The following ACSBG2 variants were observed in gnomAD, a reference collection of about 807,000 sequenced individuals.
ACSBG2 encodes acyl-CoA synthetase bubblegum family member 2.
A neutral mutation model predicts 74.7 loss-of-function variants in ACSBG2; 62 were observed. The ratio of observed to expected loss-of-function variants is 0.83; its 90% confidence interval spans 0.68 to 1.03. The LOEUF is 1.03. Ranked by LOEUF, ACSBG2 falls within the 50% of genes least tolerant of loss-of-function variation. The probability of loss-of-function intolerance (pLI) is 0.00; values close to 1 mark genes in which losing one functional copy is unlikely to be tolerated. For missense variants in ACSBG2, 730 were observed against 817.6 expected (o/e 0.89, Z 1.31); for synonymous variants, 309 against 294.1 (o/e 1.05, Z -0.52).
At chr19:6,170,217 T>C (rs2089927377) in intron 7 of ACSBG2, among the ~76,000 whole-genome samples, 3 of 152,184 alleles carry the variant, frequency 2.0e-5, no homozygotes, top group South Asian at 4.1e-4. Context: ...TTGCTGCAGG[T>C]TTGTCATAGA....
At chr19:6,184,861 A>AAC in intron 10 of ACSBG2, among the ~76,000 whole-genome samples, 1 of 139,748 alleles carries the variant, frequency 7.2e-6, no homozygotes, top group Admixed American at 7.1e-5. Context: ...AAAAAAAAAA[A>AAC]AAAAAAAAAA....
At chr19:6,146,100 C>T (rs1464778925) in intron 2 of ACSBG2, among the ~76,000 whole-genome samples, 1 of 152,164 alleles carries the variant, frequency 6.6e-6, no homozygotes, top group Non-Finnish European at 1.5e-5. Context: ...ATATGTGACT[C>T]TTGTTAATGA....
chr19:6,187,401 G>A lies in ACSBG2; in HGVS notation c.1659G>A (p.Leu553=). 6.2e-7 allele frequency: 1 copy of A among 1,614,148 alleles called. No individual in the cohort carries two copies. Among genetic ancestry groups the A allele is most frequent in the Non-Finnish European group, 8.5e-7 (1 of 1,180,038 alleles). Residue 553 remains leucine, a synonymous_variant, in exon 12 of 15, where the codon CTG becomes CTA. Transcript: ENST00000588485. ...TAGTAGGAGATAAACTGAAGTTTCT[G>A]AGCATGTTGCTGACGCTGAAGGTAA... ...AMLVGDKLKF[L]SMLLTLKCEM...
rs146390457 is a variant in ACSBG2, at chr19:6,151,240, G to A, written c.298-467G>A. Among the ~76,000 whole-genome samples, 36 of 151,968 alleles carry A rather than the reference G, an allele frequency of 2.4e-4. No individual in the cohort carries two copies. The East Asian group carries it at 2.5e-3, about 11-fold the overall frequency. Reference sequence around the variant, plus strand: ...GTAGAGGGAGGTAAACAAACCTCCCGTAGTCATAAAAATTAAAAATATTAC... The same window carrying A: ...GTAGAGGGAGGTAAACAAACCTCCCATAGTCATAAAAATTAAAAATATTAC... On this transcript the variant is annotated intron_variant, in intron 3 of 14. Transcript: ENST00000588485.
intron 11 of ACSBG2, among the ~76,000 whole-genome samples, chr19:6,187,054 G>T (rs1365938461): frequency 2.0e-5 from 3 of 148,756 alleles, no homozygotes; most frequent in Non-Finnish European, 4.4e-5. Context: ...GCCCAGGTTG[G>T]AGTGCGGTGG....
intron 10 of ACSBG2, among the ~76,000 whole-genome samples, chr19:6,184,853 A>AACAAAACAAACAAAC (rs2090357046): frequency 7.5e-6 from 1 of 133,818 alleles, no homozygotes; most frequent in African/African-American, 3.4e-5. Context: ...AAAAAAAAAA[A>AACAAAACAAACAAAC]AAAAAAAAAA....
intron 8 of ACSBG2, among the ~76,000 whole-genome samples, chr19:6,178,047 T>C (rs544647517): frequency 6.6e-6 from 1 of 152,262 alleles, no homozygotes; most frequent in Non-Finnish European, 1.5e-5. Flanking sequence ...ATGCATATAT[T>C]TGTAGAATTT....
At chr19:6,142,725 C>G (rs2088891117) in intron 2 of ACSBG2, among the ~76,000 whole-genome samples, 1 of 142,756 alleles carries the variant, frequency 7.0e-6, no homozygotes, top group Admixed American at 7.4e-5. Context: ...TGCACTCCAG[C>G]CTGGGTGACA....
chr19:6,179,237 C>T (rs1189480800), intron 8 of ACSBG2, among the ~76,000 whole-genome samples: 1 of 150,016 alleles, frequency 6.7e-6, no homozygotes, highest in Non-Finnish European at 1.5e-5. Context: ...GGATATCATT[C>T]ATTGGTAGGT....
chr19:6,148,118 T>C (rs957480669), intron 3 of ACSBG2: 2 of 181,992 alleles, frequency 1.1e-5, no homozygotes, highest in East Asian at 1.6e-4. Flanking sequence ...TACTTTGAAA[T>C]TGGGTTCTTC....
At position 6,137,582 on chromosome 19, in the gene ACSBG2, G is replaced by C. The variant is rs1049905723; in HGVS notation, c.-32+1673G>C. Among the ~76,000 whole-genome samples the C allele has an allele frequency of 7.9e-5, 12 of 152,116 alleles. No homozygotes were observed. In the South Asian group the frequency reaches 2.3e-3, roughly 29 times the overall value. On this transcript the variant is annotated intron_variant, in intron 1 of 14. Coordinates refer to ENST00000588485, the MANE Select transcript of ACSBG2 (RefSeq NM_030924.5). Reference sequence around the variant, plus strand: ...GCCATGGAGGGCTGCAGGCAGAGGAGAGACAGGGTTGGGCCAGCATTTCAC... The same window carrying C: ...GCCATGGAGGGCTGCAGGCAGAGGACAGACAGGGTTGGGCCAGCATTTCAC...
At position 6,158,332 on chromosome 19, in the gene ACSBG2, C is replaced by T. The variant is rs372558948; in HGVS notation, c.507+1781C>T. Among the ~76,000 whole-genome samples, 10 of 152,126 alleles carry T rather than the reference C, an allele frequency of 6.6e-5. No individual in the cohort carries two copies. The East Asian group carries it at 1.5e-3, about 24-fold the overall frequency. The stretch of plus-strand genomic sequence containing the variant: ...TCGGTCTCCCAAAGTGCTGGGATTA[C>T]AGGCATGAGATACTGCACCTGGCCT... On this transcript the variant is annotated intron_variant, in intron 5 of 14. Coordinates refer to ENST00000588485, the MANE Select transcript of ACSBG2 (RefSeq NM_030924.5).
At chr19:6,149,311 T>C (rs538224329) in intron 3 of ACSBG2, among the ~76,000 whole-genome samples, 4 of 152,112 alleles carry the variant, frequency 2.6e-5, no homozygotes, top group South Asian at 4.1e-4. Flanking sequence ...GCCTTCCAAA[T>C]GGTTCCTTTT....
chr19:6,149,535 TCTCA>T (rs2089160610), intron 3 of ACSBG2, among the ~76,000 whole-genome samples: 1 of 142,610 alleles, frequency 7.0e-6, no homozygotes, highest in African/African-American at 2.6e-5. Flanking sequence ...TTAGACAGAG[TCTCA>T]CTCTGTTGCC....
intron 4 of ACSBG2, among the ~76,000 whole-genome samples, chr19:6,156,198 T>C (rs1230199314): frequency 6.6e-6 from 1 of 152,182 alleles, no homozygotes; most frequent in African/African-American, 2.4e-5. Flanking sequence ...TAAAATGCGG[T>C]GTTCTAAGTG....
chr19:6,187,548 G>A (rs758989710), intron 12 of ACSBG2, 51 bp from the exon 13 acceptor site: 161 of 1,609,946 alleles, frequency 1.0e-4, no homozygotes, highest in Non-Finnish European at 1.3e-4. Flanking sequence ...TGGGCCTGGG[G>A]AGGGGTGCTG....
chr19:6,160,464 G>C (rs1293625302), intron 5 of ACSBG2: 1 of 152,052 alleles, frequency 6.6e-6, no homozygotes, highest in Non-Finnish European at 1.5e-5. Flanking sequence ...TGCTAGGTAT[G>C]GGTAGAGGGC....
Position 6,165,953 on chromosome 19 carries a change from G to T in ACSBG2, c.676G>T (p.Val226Leu), listed in dbSNP as rs1304730239. 5 of 1,613,886 alleles carry T rather than the reference G, an allele frequency of 3.1e-6. No homozygotes were observed. The highest frequency in any genetic ancestry group is 4.2e-6 in the Non-Finnish European group (5 of 1,179,944). ...GAGCCAGAAGGCGAATCAATGCGCA[G>T]TGCTCATCTACACTTCAGGGACCAC... ...IESQKANQCA[V>L]LIYTSGTTGI... The change falls in exon 7 of 15, where the codon GTG becomes TTG. Residue 226 changes from valine (V) to leucine (L), a missense_variant. Val to Leu is a conservative substitution (Grantham distance 32). Transcript: ENST00000588485.
At position 6,185,596 on chromosome 19, in the gene ACSBG2, G is replaced by A; in HGVS notation, c.1483G>A (p.Gly495Arg). 4 of 1,614,202 alleles carry A rather than the reference G, an allele frequency of 2.5e-6. No homozygotes were observed. Among genetic ancestry groups the A allele is most frequent in the Non-Finnish European group, 3.4e-6 (4 of 1,180,038 alleles). The change falls in exon 11 of 15, where the codon GGG becomes AGG. Residue 495 changes from glycine (G) to arginine (R), a missense_variant. By Grantham distance (125) the Gly-to-Arg change is moderately radical (BLOSUM62 -2). Coordinates refer to ENST00000588485, the MANE Select transcript of ACSBG2 (RefSeq NM_030924.5). ...AIDDEGWLHSGDLGQLDGLGF... is the reference protein window; with the variant it reads ...AIDDEGWLHSRDLGQLDGLGF... ...CGATGATGAAGGCTGGCTACACTCT[G>A]GGGATCTGGGCCAGCTGGACGGTCT...
Sources: allele counts gnomAD v4.1 joint callset (sites outside exome capture counted in the v4.1 genomes callset), GRCh38; gene constraint gnomAD v4.1.1; transcripts MANE v1.5; gene names NCBI Gene and HGNC (gene_info 2026-07-23, HGNC 2026-07-21).